ANKS1B: variants seen among roughly 807,000 people sequenced by gnomAD.
The protein encoded by ANKS1B is ankyrin repeat and sterile alpha motif domain containing 1B.
Under a neutral mutation model 148.3 loss-of-function variants are expected in ANKS1B, and 36 were observed. The observed-to-expected ratio is 0.24, with a 90% CI of 0.19 to 0.32. The LOEUF is 0.32. Among genes scored for constraint, ANKS1B ranks in the 10% least tolerant of loss-of-function variants. ANKS1B has a pLI of 1.00. For synonymous variants in ANKS1B, 542 were observed against 560.8 expected (o/e 0.97, Z 0.47); for missense variants, 1,157 against 1,542.6 (o/e 0.75, Z 4.19).
chr12:99,087,668 A>G (rs2052400560), intron 15 of ANKS1B, among the ~76,000 whole-genome samples: 3 of 152,166 alleles, frequency 2.0e-5, no homozygotes, highest in South Asian at 2.1e-4. Flanking sequence ...TTAAGAAAAA[A>G]TCTTTCGTCA....
chr12:99,418,319 T>C (rs553902196), intron 11 of ANKS1B, among the ~76,000 whole-genome samples: 2 of 152,318 alleles, frequency 1.3e-5, no homozygotes, highest in East Asian at 1.9e-4. Context: ...ATCCAAAACA[T>C]AAAATGAGGG....
intron 25 of ANKS1B, among the ~76,000 whole-genome samples, chr12:98,759,372 T>C (rs2098343801): frequency 6.6e-6 from 1 of 152,098 alleles, no homozygotes; most frequent in Admixed American, 6.6e-5. Flanking sequence ...CTGAATGACA[T>C]GGGGGAGTAA....
intron 1 of ANKS1B, among the ~76,000 whole-genome samples, chr12:99,871,381 T>C (rs1174683924): frequency 6.6e-6 from 1 of 152,224 alleles, no homozygotes; most frequent in Admixed American, 6.5e-5. Context: ...TACGATTGCT[T>C]TGGCTATTTG....
intron 8 of ANKS1B, among the ~76,000 whole-genome samples, chr12:99,684,575 A>C (rs772855561): frequency 6.6e-6 from 1 of 151,934 alleles, no homozygotes; most frequent in Non-Finnish European, 1.5e-5. Context: ...TAGAAAAAAC[A>C]ATCCTAAAAT....
At chr12:99,763,072 G>T (rs1033643825) in intron 8 of ANKS1B, among the ~76,000 whole-genome samples, 1 of 152,084 alleles carries the variant, frequency 6.6e-6, no homozygotes, top group African/African-American at 2.4e-5. Context: ...AGCTACTATA[G>T]AAATAGTTTG....
intron 14 of ANKS1B, among the ~76,000 whole-genome samples, chr12:99,185,021 T>TA (rs1301069127): frequency 6.6e-6 from 1 of 152,230 alleles, no homozygotes; most frequent in African/African-American, 2.4e-5. Context: ...GTGTTTATGA[T>TA]AAAAACTATC....
At chr12:99,402,225 C>T (rs1444751557) in intron 11 of ANKS1B, among the ~76,000 whole-genome samples, 2 of 146,036 alleles carry the variant, frequency 1.4e-5, no homozygotes, top group Non-Finnish European at 3.0e-5. Flanking sequence ...TTTTCTATCC[C>T]TCTCTTACTC....
chr12:98,852,654 C>T (rs995830515), intron 17 of ANKS1B, among the ~76,000 whole-genome samples: 1 of 152,110 alleles, frequency 6.6e-6, no homozygotes, highest in Non-Finnish European at 1.5e-5. Flanking sequence ...TCCCTGTTTA[C>T]AGGTGGGGAA....
intron 1 of ANKS1B, among the ~76,000 whole-genome samples, chr12:99,842,646 ACC>A (rs1490366903): frequency 6.6e-6 from 1 of 151,724 alleles, no homozygotes; most frequent in Non-Finnish European, 1.5e-5. Context: ...CCATCCACTG[ACC>A]CCTGCCCTGT....
intron 12 of ANKS1B, among the ~76,000 whole-genome samples, chr12:99,273,048 T>C (rs1489902534): frequency 6.6e-6 from 1 of 152,088 alleles, no homozygotes; most frequent in Non-Finnish European, 1.5e-5. Context: ...GGAGGGAAAA[T>C]GGAAGTTGAG....
At chr12:99,650,973 A>T (rs1319141256) in intron 9 of ANKS1B, among the ~76,000 whole-genome samples, 1 of 152,190 alleles carries the variant, frequency 6.6e-6, no homozygotes, top group African/African-American at 2.4e-5. Flanking sequence ...CATGATTCTG[A>T]CAAGCACTGT....
intron 14 of ANKS1B, among the ~76,000 whole-genome samples, chr12:99,236,487 C>G (rs2087964283): frequency 6.6e-6 from 1 of 152,102 alleles, no homozygotes; most frequent in African/African-American, 2.4e-5. Flanking sequence ...CACTCTAAGA[C>G]CATCAGGTCT....
chr12:98,940,321 C>T (rs959756773), intron 17 of ANKS1B, among the ~76,000 whole-genome samples: 19 of 152,150 alleles, frequency 1.2e-4, no homozygotes, highest in African/African-American at 3.1e-4. Context: ...CACAGGCACA[C>T]GAAAGGCACA....
intron 14 of ANKS1B, among the ~76,000 whole-genome samples, chr12:99,181,727 A>G (rs1403899472): frequency 6.6e-6 from 1 of 152,102 alleles, no homozygotes; most frequent in Non-Finnish European, 1.5e-5. Flanking sequence ...CAGGCATACA[A>G]TGTGTAATGA....
At chr12:99,295,670 G>A (rs981618523) in intron 12 of ANKS1B, among the ~76,000 whole-genome samples, 11 of 152,130 alleles carry the variant, frequency 7.2e-5, no homozygotes, top group Non-Finnish European at 1.3e-4. Flanking sequence ...GTATACTTGC[G>A]TCATGGGGGT....
At chr12:99,661,628 G>A (rs1441216770) in intron 8 of ANKS1B, among the ~76,000 whole-genome samples, 1 of 151,942 alleles carries the variant, frequency 6.6e-6, no homozygotes, top group South Asian at 2.1e-4. Context: ...CTCTTGCCTC[G>A]TACCTTACCT....
At chr12:99,776,842 G>A (rs780717018) in intron 6 of ANKS1B, among the ~76,000 whole-genome samples, 1 of 151,836 alleles carries the variant, frequency 6.6e-6, no homozygotes, top group Non-Finnish European at 1.5e-5. Flanking sequence ...CACCACACCC[G>A]GCTCATTTTT....
intron 17 of ANKS1B, among the ~76,000 whole-genome samples, chr12:98,889,405 T>G (rs2099747415): frequency 6.6e-6 from 1 of 151,940 alleles, no homozygotes; most frequent in African/African-American, 2.4e-5. Context: ...TGGAGTACAA[T>G]GGCACTATCT....
At chr12:99,696,505 T>C (rs955492749) in intron 8 of ANKS1B, among the ~76,000 whole-genome samples, 7 of 152,232 alleles carry the variant, frequency 4.6e-5, no homozygotes, top group Admixed American at 2.6e-4. Context: ...CAAATGGTGC[T>C]GGAACAACTG....
Sources: gnomAD v4.1 joint callset for allele counts (sites outside exome capture counted in the v4.1 genomes callset) on GRCh38, gnomAD v4.1.1 for gene constraint, MANE v1.5 for transcripts, NCBI Gene and HGNC (gene_info 2026-07-23, HGNC 2026-07-21) for gene names.